The following NOTCH2 variants were observed in gnomAD, a reference collection of about 807,000 sequenced individuals.
NOTCH2 encodes neurogenic locus notch homolog protein 2.
Under a neutral mutation model 235.8 loss-of-function variants are expected in NOTCH2, and 29 were observed. That is an observed-to-expected ratio of 0.12 (90% CI 0.09 to 0.17). NOTCH2 has a LOEUF of 0.17. Ranked by LOEUF, NOTCH2 falls within the 10% of genes least tolerant of loss-of-function variation. The pLI is 1.00. For synonymous variants in NOTCH2, 1,086 were observed against 1,141.5 expected (o/e 0.95, Z 0.98); for missense variants, 2,285 against 3,150.2 (o/e 0.73, Z 6.57).
intron 12 of NOTCH2, among the ~76,000 whole-genome samples, chr1:119,956,659 C>A (rs925598671): frequency 6.6e-6 from 1 of 152,172 alleles, no homozygotes; most frequent in South Asian, 2.1e-4. Context: ...GCTCTTCAAC[C>A]ACACAGTTAG....
At chr1:119,958,714 A>ATGTG (rs10546889) in intron 12 of NOTCH2, among the ~76,000 whole-genome samples, 6,016 of 149,786 alleles carry the variant, frequency 0.04, 177 homozygotes, top group African/African-American at 0.088. Context: ...GAGAGAGAAG[A>ATGTG]TGTGTGTGTG....
chr1:120,014,124 T>G lies in NOTCH2; in HGVS notation c.156-8536A>C, dbSNP rs749135778. 3.3e-5 allele frequency among the ~76,000 whole-genome samples: 5 copies of G among 152,104 alleles called. No individual in the cohort carries two copies. The South Asian group carries it at 6.2e-4, about 19-fold the overall frequency. On this transcript the variant is annotated intron_variant, in intron 2 of 33. Transcript: ENST00000256646. The stretch of plus-strand genomic sequence containing the variant: ...CTCAGTGACTTTTACTTACTCTCTC[T>G]TCTCTAGCATTGAACTCTGAAAGAA...
chr1:119,941,428 C>G, intron 18 of NOTCH2, 98 bp downstream of exon 18: 1 of 840,496 alleles, frequency 1.2e-6, no homozygotes, highest in Non-Finnish European at 2.0e-6. Context: ...GTGGACACCT[C>G]ATCCCTGCTC....
Position 119,935,607 on chromosome 1 carries a change from G to A in NOTCH2, c.3523-3C>T, listed in dbSNP as rs1195190089. 1 of 1,613,886 alleles carries A rather than the reference G, an allele frequency of 6.2e-7. No individual in the cohort carries two copies. The highest frequency in any genetic ancestry group is 8.5e-7 in the Non-Finnish European group (1 of 1,180,002). On this transcript the variant is annotated splice_region_variant and splice_polypyrimidine_tract_variant and intron_variant, in intron 21 of 33. Transcript: ENST00000256646. The stretch of plus-strand genomic sequence containing the variant: ...ACACCCTGATAGCCTGGGACACACT[G>A]CCATGAGGAAACAAAAAGGACAAGA...
At chr1:119,939,506 A>G (rs1453692017) in intron 19 of NOTCH2, among the ~76,000 whole-genome samples, 2 of 152,212 alleles carry the variant, frequency 1.3e-5, no homozygotes, top group African/African-American at 4.8e-5. Context: ...AATATGGGTA[A>G]AAGGACTTAA....
intron 5 of NOTCH2, among the ~76,000 whole-genome samples, chr1:119,970,117 A>G (rs1651304001): frequency 1.3e-5 from 2 of 152,118 alleles, no homozygotes; most frequent in Admixed American, 1.3e-4. Context: ...AAATAATGAG[A>G]AGGAACCTAT....
Position 119,965,694 on chromosome 1 carries a change from C to T in NOTCH2, c.1568-128G>A. 1.3e-5 allele frequency: 10 copies of T among 767,600 alleles called. No individual in the cohort carries two copies. The South Asian group carries it at 1.4e-4, about 11-fold the overall frequency. The allele number at this position is 767,600 out of a possible 1,614,324, so 47.5% of individuals were successfully genotyped here. Reference sequence around the variant, plus strand: ...AATAAGCCTATGCTTTATTATTCTCCCCAACAGGTAACTGGAATAACCAGG... The same window carrying T: ...AATAAGCCTATGCTTTATTATTCTCTCCAACAGGTAACTGGAATAACCAGG... On this transcript the variant is annotated intron_variant, in intron 9 of 33. Transcript: ENST00000256646.
intron 18 of NOTCH2, among the ~76,000 whole-genome samples, chr1:119,941,277 A>G (rs1325528854): frequency 6.6e-6 from 1 of 152,240 alleles, no homozygotes; most frequent in South Asian, 2.1e-4. Flanking sequence ...GAACAAAATT[A>G]TAGCTCTTTC....
intron 19 of NOTCH2, among the ~76,000 whole-genome samples, chr1:119,939,882 T>C (rs1455467812): frequency 2.6e-5 from 4 of 151,996 alleles, no homozygotes; most frequent in African/African-American, 9.7e-5. Context: ...CAAGTTAAGT[T>C]TGGCCATTTA....
intron 11 of NOTCH2, among the ~76,000 whole-genome samples, chr1:119,960,620 A>C (rs1217232583): frequency 1.4e-4 from 22 of 152,120 alleles, no homozygotes; most frequent in African/African-American, 4.8e-4. Context: ...AGAATATAAG[A>C]AAACAAAACA....
At chr1:119,948,293 G>T in intron 17 of NOTCH2, 121 bp downstream of exon 17, 1 of 1,027,202 alleles carries the variant, frequency 9.7e-7, no homozygotes, top group Non-Finnish European at 1.5e-6. Flanking sequence ...TAAATATGCT[G>T]GATAAATGAC....
intron 5 of NOTCH2, among the ~76,000 whole-genome samples, chr1:119,986,402 A>G (rs1159980007): frequency 1.3e-5 from 2 of 152,196 alleles, no homozygotes; most frequent in Admixed American, 6.5e-5. Flanking sequence ...AGGCAGAAAA[A>G]ACTATTTTTG....
At chr1:119,935,672 T>C in intron 21 of NOTCH2, 68 bp from the exon 22 acceptor site, 1 of 1,549,370 alleles carries the variant, frequency 6.5e-7, no homozygotes, top group South Asian at 1.1e-5. Context: ...TGAGAGCTAG[T>C]GAGATCTGGA....
intron 5 of NOTCH2, among the ~76,000 whole-genome samples, chr1:119,977,416 T>C (rs1651629007): frequency 6.6e-6 from 1 of 152,270 alleles, no homozygotes; most frequent in East Asian, 1.9e-4. Context: ...CAACTACGCC[T>C]CAAGGGCAAC....
At chr1:119,919,092 T>G (rs1570658030) in intron 31 of NOTCH2, among the ~76,000 whole-genome samples, 2 of 152,210 alleles carry the variant, frequency 1.3e-5, no homozygotes, top group Non-Finnish European at 2.9e-5. Context: ...AAGACTGGTG[T>G]TGTCTGCAGT....
At chr1:120,059,912 TTAAAG>T (rs1466348177) in intron 1 of NOTCH2, among the ~76,000 whole-genome samples, 5 of 35,278 alleles carry the variant, frequency 1.4e-4, no homozygotes, top group African/African-American at 4.8e-4. Flanking sequence ...TTATTAAGTA[TTAAAG>T]TAAATGTCAA....
chr1:119,994,349 C>G (rs1318819069), intron 4 of NOTCH2: 1 of 121,074 alleles, frequency 8.3e-6, no homozygotes, highest in African/African-American at 3.4e-5. Context: ...ATCTTACAAA[C>G]TGTATAAATA....
chr1:120,042,700 G>A (rs1450720465), intron 1 of NOTCH2, among the ~76,000 whole-genome samples: 4 of 149,954 alleles, frequency 2.7e-5, no homozygotes, highest in African/African-American at 5.0e-5. Context: ...TAAAACCAAT[G>A]CATTGTAATC....
chr1:119,925,569 G>A lies in NOTCH2; in HGVS notation c.4247C>T (p.Ala1416Val), dbSNP rs1286124918. The part of the protein sequence containing the change: ...FSGSRCELYT[A>V]PPSTPPATCL... ...GGTGGCAGGAGGGGTGCTGGGGGGT[G>A]CCGTGTAGAGTTCACAGCGGCTACC... Residue 1416 changes from alanine to valine, a missense_variant, in exon 25 of 34, where the codon GCA becomes GTA. Ala to Val is a moderately conservative substitution (Grantham distance 64). This residue lies in a region of NOTCH2 where 1,173 missense variants were observed against 1,515.3 expected (regional missense o/e 0.77). Transcript: ENST00000256646. 1.9e-6 allele frequency: 3 copies of A among 1,614,138 alleles called. No homozygotes were observed. The highest frequency in any genetic ancestry group is 2.5e-6 in the Non-Finnish European group (3 of 1,180,028).
Sources: gnomAD v4.1 joint callset for allele counts (sites outside exome capture counted in the v4.1 genomes callset) on GRCh38, gnomAD v4.1.1 for gene constraint, gnomAD v4.1.1 regional missense constraint, MANE v1.5 for transcripts, NCBI Gene and HGNC (gene_info 2026-07-23, HGNC 2026-07-21) for gene names.